The following MRPL13 variants were observed in gnomAD, a reference collection of about 807,000 sequenced individuals.
MRPL13 encodes mitochondrial ribosomal protein L13.
MRPL13 carries 33 observed loss-of-function variants against 29.0 expected under a neutral mutation model. The observed-to-expected ratio is 1.14, with a 90% CI of 0.86 to 1.52. The LOEUF (loss-of-function observed/expected upper bound fraction) is 1.52, where lower values mean the gene tolerates loss of function less well. MRPL13 is among the 40% of genes most tolerant of loss of function. MRPL13 has a pLI of 0.00. For missense variants in MRPL13, 227 were observed against 216.7 expected, an observed-to-expected ratio of 1.05 and a Z score of -0.30; for synonymous variants, 77 against 68.4, an observed-to-expected ratio of 1.13 and a Z score of -0.62.
In MRPL13 at chr8:120,414,107, A is replaced by AAT; in HGVS notation, c.397_398dup (p.Pro134PhefsTer9). 6.4e-7 allele frequency: 1 copy of AAT among 1,555,802 alleles called. No homozygotes were observed. Among genetic ancestry groups the AAT allele is most frequent in the African/African-American group, 1.4e-5 (1 of 71,644 alleles). Reference sequence around the variant, plus strand: ...CTAAATTCTTAAGAATATCTTCTGGAATATACTACATTAAAAAAAAATTTA... The same window carrying AAT: ...CTAAATTCTTAAGAATATCTTCTGGAATATATACTACATTAAAAAAAAATTTA... On this transcript the variant is annotated frameshift_variant, in exon 6 of 7. Transcript: ENST00000306185. LOFTEE classifies it high-confidence loss of function.
intron 6 of MRPL13, among the ~76,000 whole-genome samples, chr8:120,399,746 C>G (rs961467039): frequency 6.6e-6 from 1 of 151,942 alleles, no homozygotes; most frequent in African/African-American, 2.4e-5. Context: ...TTCAAGGGAC[C>G]CATCTCATGA....
At position 120,419,915 on chromosome 8, in the gene MRPL13, G is replaced by A. The variant is rs1490905037; in HGVS notation, c.330C>T (p.Gly110=). 3 of 1,591,724 alleles carry A rather than the reference G, an allele frequency of 1.9e-6. No homozygotes were observed. The highest frequency in any genetic ancestry group is 1.1e-5 in the South Asian group (1 of 87,276). ...TTCTGTGAAGGTTTTTTGGCAGCAT[G>A]CCATAAATAGCTAGTTTTACAATCT... The part of the protein sequence containing the change: ...PVAIVKLAIY[G]MLPKNLHRRT... Residue 110 remains glycine, a synonymous_variant, in exon 5 of 7, where the codon GGC becomes GGT. Transcript: ENST00000306185.
chr8:120,409,764 A>G lies in MRPL13; in HGVS notation c.515+4227T>C, dbSNP rs190703620. Among the ~76,000 whole-genome samples the G allele has an allele frequency of 3.8e-3, 586 of 152,298 alleles. 3 individuals carry two copies. Among genetic ancestry groups the G allele is most frequent in the African/African-American group, 0.013 (561 of 41,574 alleles). On this transcript the variant is annotated intron_variant, in intron 6 of 6. Transcript: ENST00000306185. ...ACTTAAGAAGTGAGATGAATGGGCAATAGTACCCATAGTATATATAAAATG... is the reference window on the plus strand; with the variant it reads ...ACTTAAGAAGTGAGATGAATGGGCAGTAGTACCCATAGTATATATAAAATG...
chr8:120,403,503 G>A (rs1812627783), intron 6 of MRPL13, among the ~76,000 whole-genome samples: 1 of 152,092 alleles, frequency 6.6e-6, no homozygotes. Flanking sequence ...GGGGTTGGGG[G>A]AGGGAGACCG....
At chr8:120,435,472 T>C (rs1813043651) in intron 2 of MRPL13, among the ~76,000 whole-genome samples, 1 of 152,014 alleles carries the variant, frequency 6.6e-6, no homozygotes, top group Non-Finnish European at 1.5e-5. Flanking sequence ...TGGTTTTCTG[T>C]TCCTGTGTTA....
intron 5 of MRPL13, among the ~76,000 whole-genome samples, chr8:120,419,211 T>C (rs1812840636): frequency 1.3e-5 from 2 of 151,992 alleles, no homozygotes; most frequent in South Asian, 4.1e-4. Flanking sequence ...CCCAAGTCCA[T>C]GCAGTCAGTA....
chr8:120,444,852 G>T, intron 1 of MRPL13: 3 of 516,804 alleles, frequency 5.8e-6, no homozygotes, highest in East Asian at 3.5e-5. Context: ...AGAAAGACAT[G>T]AAAAGGGCAG....
chr8:120,425,943 T>C (rs1812927015), intron 3 of MRPL13, among the ~76,000 whole-genome samples: 1 of 152,080 alleles, frequency 6.6e-6, no homozygotes, highest in Non-Finnish European at 1.5e-5. Flanking sequence ...AAAATATACA[T>C]TGAATAGTAC....
At chr8:120,413,474 C>CA (rs1812764945) in intron 6 of MRPL13, among the ~76,000 whole-genome samples, 1 of 152,040 alleles carries the variant, frequency 6.6e-6, no homozygotes, top group Non-Finnish European at 1.5e-5. Context: ...ATAGCCCTGG[C>CA]AAAAAAGCCT....
chr8:120,424,608 T>C (rs1812911254), intron 4 of MRPL13, among the ~76,000 whole-genome samples: 1 of 151,608 alleles, frequency 6.6e-6, no homozygotes, highest in Non-Finnish European at 1.5e-5. Context: ...CCACAAAAAA[T>C]AAAAAGTTTT....
intron 6 of MRPL13, among the ~76,000 whole-genome samples, chr8:120,399,233 G>A (rs1468544107): frequency 6.6e-6 from 1 of 152,054 alleles, no homozygotes; most frequent in African/African-American, 2.4e-5. Context: ...AAATGTTAAG[G>A]ACAGCCAGAG....
In MRPL13 at chr8:120,428,142, A is replaced by C. The variant is rs1237929159; in HGVS notation, c.246-2776T>G. The stretch of plus-strand genomic sequence containing the variant: ...TGGTACTGATAAAAAAAAAAAAAAA[A>C]AAAAACCAGACACATACACCAGTGG... On this transcript the variant is annotated intron_variant, in intron 3 of 6. Transcript: ENST00000306185. Among the ~76,000 whole-genome samples, 4 of 149,942 alleles carry C rather than the reference A, an allele frequency of 2.7e-5. No homozygotes were observed. The East Asian group carries it at 5.9e-4, about 22-fold the overall frequency.
At chr8:120,405,755 T>C (rs1426081019) in intron 6 of MRPL13, among the ~76,000 whole-genome samples, 1 of 152,220 alleles carries the variant, frequency 6.6e-6, no homozygotes, top group Non-Finnish European at 1.5e-5. Context: ...AACCCATATA[T>C]GGTAACATGC....
chr8:120,397,300 G>A (rs758214017), intron 6 of MRPL13, among the ~76,000 whole-genome samples: 5 of 152,096 alleles, frequency 3.3e-5, no homozygotes, highest in Non-Finnish European at 7.4e-5. Flanking sequence ...CAGGAATCCC[G>A]GTAAGGCAGG....
At chr8:120,402,398 G>A (rs1812608409) in intron 6 of MRPL13, among the ~76,000 whole-genome samples, 1 of 152,086 alleles carries the variant, frequency 6.6e-6, no homozygotes. Context: ...CAAGCAATGG[G>A]GAAAGGATTT....
chr8:120,399,150 G>C (rs1191017390), intron 6 of MRPL13, among the ~76,000 whole-genome samples: 1 of 152,110 alleles, frequency 6.6e-6, no homozygotes, highest in Admixed American at 6.6e-5. Context: ...GAGAACCCCA[G>C]TAAGGTACTC....
chr8:120,409,105 C>T (rs371548713), intron 6 of MRPL13, among the ~76,000 whole-genome samples: 80 of 152,262 alleles, frequency 5.3e-4, no homozygotes, highest in African/African-American at 1.8e-3. Flanking sequence ...CTCTAGAGTA[C>T]TGAAACACCA....
At chr8:120,444,949 TCTTGGCCGAGGGTCTCGG>T in intron 1 of MRPL13, 101 bp downstream of exon 1, 1 of 1,336,786 alleles carries the variant, frequency 7.5e-7, no homozygotes, top group Non-Finnish European at 1.1e-6. Flanking sequence ...CCAAGTCACC[TCTTGGCCGAGGGTCTCGG>T]CTTCCCTGCC....
chr8:120,419,723 A>G lies in MRPL13; in HGVS notation c.393+129T>C. 3 of 584,384 alleles carry G rather than the reference A, an allele frequency of 5.1e-6. No individual in the cohort carries two copies. In the South Asian group the frequency reaches 7.8e-5, roughly 15 times the overall value. 36.2% of individuals were successfully genotyped at this position (584,384 alleles called of 1,614,324 possible). On this transcript the variant is annotated intron_variant, in intron 5 of 6. Coordinates refer to ENST00000306185, the MANE Select transcript of MRPL13 (RefSeq NM_014078.6). Reference sequence around the variant, plus strand: ...TTTTATACATACATATTCATTTAAAAATACAAAAATATTTCAGAAGTTGAC... The same window carrying G: ...TTTTATACATACATATTCATTTAAAGATACAAAAATATTTCAGAAGTTGAC...
Sources: gnomAD v4.1 joint callset for allele counts (sites outside exome capture counted in the v4.1 genomes callset) on GRCh38, gnomAD v4.1.1 for gene constraint, MANE v1.5 for transcripts, NCBI Gene and HGNC (gene_info 2026-07-23, HGNC 2026-07-21) for gene names.